BANP: variants seen among roughly 807,000 people sequenced by gnomAD.
BANP encodes the protein protein BANP.
Under a neutral mutation model 68.1 loss-of-function variants are expected in BANP, and 11 were observed. That is an observed-to-expected ratio of 0.16 (90% CI 0.10 to 0.27). The LOEUF (loss-of-function observed/expected upper bound fraction) is 0.27. BANP is among the 10% of genes least tolerant of loss of function. The pLI, the probability that BANP is intolerant of heterozygous loss-of-function variation, is 1.00. For missense variants in BANP, 504 were observed against 722.7 expected, an observed-to-expected ratio of 0.70 and a Z score of 3.47; for synonymous variants, 329 against 303.2, an observed-to-expected ratio of 1.09 and a Z score of -0.88.
intron 4 of BANP, among the ~76,000 whole-genome samples, chr16:87,984,470 C>T (rs747810078): frequency 3.3e-5 from 5 of 152,226 alleles, no homozygotes; most frequent in African/African-American, 1.2e-4. Context: ...GTCATCCTCA[C>T]GTTTCCTTTC....
rs926404645 is a variant in BANP, at chr16:88,072,050, C to T, written c.1378-19C>T. The T allele has an allele frequency of 6.4e-7, 1 of 1,556,828 alleles. No individual in the cohort carries two copies. Among genetic ancestry groups the T allele is most frequent in the South Asian group, 1.2e-5 (1 of 85,052 alleles). ...TTGTGGGCCACGCCGCTGACGGGCC[C>T]CCGTGTGTCTCCCTCCAGGTGCTGC... On this transcript the variant is annotated intron_variant, in intron 12 of 13. Transcript: ENST00000682872.
At chr16:87,987,704 C>T (rs2064800660) in intron 4 of BANP, among the ~76,000 whole-genome samples, 1 of 42,478 alleles carries the variant, frequency 2.4e-5, no homozygotes, top group Non-Finnish European at 5.9e-5. Context: ...CTGAGCGAGA[C>T]CCTAACTCAA....
At chr16:88,025,535 TTCC>T (rs1422679945) in intron 7 of BANP, among the ~76,000 whole-genome samples, 3 of 152,234 alleles carry the variant, frequency 2.0e-5, no homozygotes, top group Non-Finnish European at 4.4e-5. Context: ...TAGGGTGTTC[TTCC>T]CTCTCATCCT....
At chr16:88,042,655 A>G (rs2081109089) in intron 11 of BANP, among the ~76,000 whole-genome samples, 1 of 151,970 alleles carries the variant, frequency 6.6e-6, no homozygotes, top group Non-Finnish European at 1.5e-5. Flanking sequence ...GCTGGCTCAC[A>G]CCTGTAATCC....
At chr16:87,984,854 G>A (rs545884822) in intron 4 of BANP, among the ~76,000 whole-genome samples, 1 of 152,334 alleles carries the variant, frequency 6.6e-6, no homozygotes, top group African/African-American at 2.4e-5. Context: ...AGGCTCTGGT[G>A]TCGCTAGCCT....
chr16:87,951,754 G>T (rs1340821761), intron 1 of BANP, among the ~76,000 whole-genome samples: 6 of 151,394 alleles, frequency 4.0e-5, no homozygotes, highest in African/African-American at 1.5e-4. Flanking sequence ...GCCCCACCGC[G>T]CCCGGCGTCC....
At chr16:88,048,554 A>C (rs1460094138) in intron 11 of BANP, among the ~76,000 whole-genome samples, 5 of 151,924 alleles carry the variant, frequency 3.3e-5, no homozygotes, top group Non-Finnish European at 7.4e-5. Context: ...TTGGTATCGA[A>C]TCGGCGCTCA....
intron 8 of BANP, among the ~76,000 whole-genome samples, chr16:88,030,735 C>T (rs1230076399): frequency 1.3e-5 from 2 of 152,206 alleles, no homozygotes; most frequent in African/African-American, 4.8e-5. Context: ...TAGGCAGGAG[C>T]TTCCTCGGAG....
intron 2 of BANP, among the ~76,000 whole-genome samples, chr16:87,976,209 A>C (rs2062089633): frequency 1.3e-5 from 2 of 152,254 alleles, no homozygotes; most frequent in South Asian, 4.1e-4. Context: ...GAATTGCTAC[A>C]TGTGTTTAAA....
At chr16:88,056,100 C>T (rs1038825410) in intron 11 of BANP, among the ~76,000 whole-genome samples, 1 of 152,164 alleles carries the variant, frequency 6.6e-6, no homozygotes, top group Admixed American at 6.5e-5. Context: ...GGGGCCCTGA[C>T]TTACAAAGGG....
At chr16:87,993,495 C>G (rs745324591) in intron 4 of BANP, among the ~76,000 whole-genome samples, 1 of 152,226 alleles carries the variant, frequency 6.6e-6, no homozygotes, top group Non-Finnish European at 1.5e-5. Flanking sequence ...TGCTCACATC[C>G]TTCCGGCTTT....
chr16:87,964,972 T>C (rs1048085326), intron 1 of BANP, among the ~76,000 whole-genome samples: 1 of 152,116 alleles, frequency 6.6e-6, no homozygotes, highest in African/African-American at 2.4e-5. Context: ...GGTGGTGTGG[T>C]GTGAGGCCTG....
intron 11 of BANP, among the ~76,000 whole-genome samples, chr16:88,048,727 G>A (rs1415405954): frequency 6.6e-6 from 1 of 152,022 alleles, no homozygotes; most frequent in South Asian, 2.1e-4. Flanking sequence ...GGTGTTCTTG[G>A]TATCAAATCG....
chr16:87,957,502 T>C lies in BANP; in HGVS notation c.-69+5987T>C, dbSNP rs2144706114. Among the ~76,000 whole-genome samples, 1 of 152,338 alleles carries C rather than the reference T, an allele frequency of 6.6e-6. No individual in the cohort carries two copies. The highest frequency in any genetic ancestry group is 1.5e-5 in the Non-Finnish European group (1 of 68,016). ...TCCTGTCAGGAGACCTGGGGCGGTT[T>C]TGAGGCAAGCTCACGGAGGCCTGCC... On this transcript the variant is annotated intron_variant, in intron 1 of 13. Transcript: ENST00000682872. This position sits in a 1 kb window ranked among gnomAD's most constrained non-coding sequence, Gnocchi z 4.3.
intron 4 of BANP, among the ~76,000 whole-genome samples, chr16:87,993,200 C>T (rs1364114458): frequency 6.6e-6 from 1 of 152,206 alleles, no homozygotes; most frequent in East Asian, 1.9e-4. Flanking sequence ...TGCGGGTCAC[C>T]TGGCTGAGGT....
intron 11 of BANP, among the ~76,000 whole-genome samples, chr16:88,042,793 G>C (rs1346113835): frequency 6.6e-6 from 1 of 151,954 alleles, no homozygotes; most frequent in Admixed American, 6.6e-5. Flanking sequence ...GTATGTGCCT[G>C]TAGTCCCAAG....
At chr16:88,012,972 A>C (rs2073568696) in intron 6 of BANP, among the ~76,000 whole-genome samples, 1 of 152,136 alleles carries the variant, frequency 6.6e-6, no homozygotes, top group African/African-American at 2.4e-5. Flanking sequence ...ATATATAAAA[A>C]GTTGAGTAAT....
At chr16:88,052,701 CA>C (rs1230542994) in intron 11 of BANP, among the ~76,000 whole-genome samples, 1 of 151,962 alleles carries the variant, frequency 6.6e-6, no homozygotes, top group Non-Finnish European at 1.5e-5. Context: ...CGACCACTAT[CA>C]TCTCCATCAT....
chr16:88,022,740 C>T (rs1251189413), intron 7 of BANP, among the ~76,000 whole-genome samples: 1 of 152,180 alleles, frequency 6.6e-6, no homozygotes, highest in Non-Finnish European at 1.5e-5. Context: ...TGAGAAGGCC[C>T]TTTCCCTCTC....
Sources: allele counts gnomAD v4.1 joint callset (sites outside exome capture counted in the v4.1 genomes callset), GRCh38; gene constraint gnomAD v4.1.1; non-coding constraint Gnocchi (gnomAD v3.1); transcripts MANE v1.5; gene names NCBI Gene and HGNC (gene_info 2026-07-23, HGNC 2026-07-21).